The following TSC2 variants were observed in gnomAD, a reference collection of about 807,000 sequenced individuals.
The protein encoded by TSC2 is TSC complex subunit 2.
In TSC2, 29 loss-of-function variants were observed where a neutral mutation model predicts 202.2. That is an observed-to-expected ratio of 0.14 (90% CI 0.11 to 0.20). TSC2 has a LOEUF of 0.20. Among genes scored for constraint, TSC2 ranks in the 10% least tolerant of loss-of-function variants. The pLI is 1.00. For synonymous variants in TSC2, 1,349 were observed against 1,044.0 expected, an observed-to-expected ratio of 1.29 and a Z score of -5.63; for missense variants, 2,429 against 2,420.0, an observed-to-expected ratio of 1.00 and a Z score of -0.08.
chr16:2,072,755 C>A, intron 20 of TSC2, 94 bp from the exon 21 acceptor site: 3 of 1,600,196 alleles, frequency 1.9e-6, no homozygotes, highest in Admixed American at 1.7e-5. Context: ...TGCCCCCTTT[C>A]CTGGGCCTGC....
chr16:2,087,743 T>C, intron 38 of TSC2, 120 bp from the exon 39 acceptor site: 1 of 1,278,524 alleles, frequency 7.8e-7, no homozygotes, highest in Non-Finnish European at 1.1e-6. Context: ...GAGGGGAAAG[T>C]TCAGGGGCAG....
chr16:2,080,450 T>A, intron 30 of TSC2, 73 bp downstream of exon 30: 1 of 1,555,228 alleles, frequency 6.4e-7, no homozygotes, highest in African/African-American at 1.4e-5. Flanking sequence ...TCAGGGGCGA[T>A]TGCAGACTTG....
Position 2,079,426 on chromosome 16 carries a change from G to T in TSC2, c.3282G>T (p.Ser1094=). The part of the protein sequence containing the change: ...DSGELQSGPE[S]SSSPGVHVRQ... Reference sequence around the variant, plus strand: ...GGGAGCTGCAGTCCGGCCCGGAGTCGAGGTGACTGCACCTTCCTTTCCTCC... The same window carrying T: ...GGGAGCTGCAGTCCGGCCCGGAGTCTAGGTGACTGCACCTTCCTTTCCTCC... Residue 1094 remains serine, a splice_region_variant and synonymous_variant, in exon 28 of 42, where the codon TCG becomes TCT. Coordinates refer to ENST00000219476, the MANE Select transcript of TSC2 (RefSeq NM_000548.5). This position sits in a 1 kb window ranked among gnomAD's most constrained non-coding sequence, Gnocchi z 4.6. The T allele has an allele frequency of 6.2e-7, 1 of 1,612,766 alleles. No individual in the cohort carries two copies.
chr16:2,063,422 C>T (rs570282227), intron 14 of TSC2: 13 of 386,274 alleles, frequency 3.4e-5, no homozygotes, highest in Non-Finnish European at 4.9e-5. Flanking sequence ...TGTGCACCTG[C>T]GTGATCGCCA....
rs781713438 is a variant in TSC2 at position 2,074,389 on chromosome 16, A to G, written c.2545A>G (p.Thr849Ala). ...CGTCCCACTGCTGGAGTTCCTGTCCAGTGAGTCCCCGCCCTGCCTGCGCAT... is the reference window on the plus strand; with the variant it reads ...CGTCCCACTGCTGGAGTTCCTGTCCGGTGAGTCCCCGCCCTGCCTGCGCAT... Reference protein sequence around the residue: ...MAVPLLEFLSTLARLPHLYRN... With the variant: ...MAVPLLEFLSALARLPHLYRN... Residue 849 changes from threonine to alanine, a missense_variant and splice_region_variant, in exon 22 of 42, where the codon ACT becomes GCT. By Grantham distance (58) the Thr-to-Ala change is moderately conservative. Transcript: ENST00000219476. The G allele has an allele frequency of 1.3e-5, 21 of 1,610,086 alleles. No individual in the cohort carries two copies. The Middle Eastern group carries it at 1.2e-3, about 89-fold the overall frequency.
At chr16:2,051,927 T>C (rs977975336) in intron 3 of TSC2, among the ~76,000 whole-genome samples, 19 of 152,200 alleles carry the variant, frequency 1.2e-4, no homozygotes, top group African/African-American at 4.6e-4. Context: ...TAGCTGGGCA[T>C]GGTGTCGGGC....
chr16:2,080,086 CG>C, intron 29 of TSC2, 78 bp from the exon 30 acceptor site: 3 of 1,584,598 alleles, frequency 1.9e-6, no homozygotes, highest in Non-Finnish European at 1.7e-6. Flanking sequence ...TTGCCAGGCT[CG>C]GGGGGAGCAT....
At chr16:2,061,508 C>T (rs1425915241) in intron 11 of TSC2, 1 of 387,320 alleles carries the variant, frequency 2.6e-6, no homozygotes, top group Non-Finnish European at 5.0e-6. Flanking sequence ...TGTGGCTACT[C>T]TTGGCCCTCC....
intron 32 of TSC2, 189 bp downstream of exon 32, chr16:2,082,693 G>A: frequency 1.5e-6 from 1 of 682,724 alleles, no homozygotes; most frequent in Non-Finnish European, 2.6e-6. Context: ...CCCTTGACTT[G>A]GTCCCTTTGT....
In TSC2 at chr16:2,071,910, C is replaced by A. The variant is rs45512398; in HGVS notation, c.2073C>A (p.Arg691=). ...LGSVPYSLLF[R]VLLQCLKQES... ...CCGTGCCCTACTCCCTGCTCTTCCG[C>A]GTCCTGCTGCAGTGCTTGAAGCAGG... The change falls in exon 19 of 42, where the codon CGC becomes CGA. Residue 691 remains arginine, a synonymous_variant. Coordinates refer to ENST00000219476, the MANE Select transcript of TSC2 (RefSeq NM_000548.5). 2.5e-6 allele frequency: 4 copies of A among 1,592,704 alleles called. No homozygotes were observed. In the African/African-American group the frequency reaches 4.0e-5, roughly 16 times the overall value.
intron 17 of TSC2, 187 bp from the exon 18 acceptor site, chr16:2,071,323 G>C (rs893555232): frequency 6.1e-6 from 4 of 659,460 alleles, no homozygotes; most frequent in African/African-American, 3.5e-5. Context: ...AGGAGGCTGT[G>C]GGTGCTGGGC....
intron 9 of TSC2, among the ~76,000 whole-genome samples, chr16:2,057,587 G>A (rs2086033436): frequency 6.6e-6 from 1 of 152,092 alleles, no homozygotes; most frequent in African/African-American, 2.4e-5. Context: ...CACCCATGCT[G>A]CCAGCTCCCC....
chr16:2,084,579 C>A lies in TSC2; in HGVS notation c.4357C>A (p.Pro1453Thr). The change falls in exon 34 of 42, where the codon CCC becomes ACC. Residue 1453 changes from proline (P) to threonine (T), a missense_variant. Physicochemically the swap from Pro to Thr is conservative, Grantham distance 38. Transcript: ENST00000219476. ...GPLPSSSPRS[P>T]SGLRPRGYTI... ...CTTGCCTTCCAGCTCCCCCCGCTCG[C>A]CCAGTGGCCTCCGGCCCCGAGGTTA... is the stretch of plus-strand genomic sequence containing the variant. 6.2e-7 allele frequency: 1 copy of A among 1,606,978 alleles called. No individual in the cohort carries two copies. The highest frequency in any genetic ancestry group is 8.5e-7 in the Non-Finnish European group (1 of 1,179,730).
At chr16:2,077,252 C>G (rs932744703) in intron 25 of TSC2, among the ~76,000 whole-genome samples, 1 of 152,244 alleles carries the variant, frequency 6.6e-6, no homozygotes, top group African/African-American at 2.4e-5. Context: ...CGGTGCCTGC[C>G]TTCCGCGGGT....
chr16:2,055,982 T>G (rs2151068190), intron 6 of TSC2: 1 of 649,356 alleles, frequency 1.5e-6, no homozygotes, highest in South Asian at 1.7e-5. Context: ...TTGTTTAGAA[T>G]GTTGCATGAG....
At chr16:2,060,047 G>A (rs1002224448) in intron 10 of TSC2, among the ~76,000 whole-genome samples, 2 of 152,212 alleles carry the variant, frequency 1.3e-5, no homozygotes, top group African/African-American at 4.8e-5. Flanking sequence ...TGCCTCGGGG[G>A]TAGCCGTTCT....
chr16:2,088,792 C>T lies in TSC2; in HGVS notation c.*182C>T. 1 of 818,514 alleles carries T rather than the reference C, an allele frequency of 1.2e-6. No individual in the cohort carries two copies. Among genetic ancestry groups the T allele is most frequent in the Non-Finnish European group, 1.9e-6 (1 of 533,946 alleles). 50.7% of individuals were successfully genotyped at this position (818,514 alleles called of 1,614,324 possible). ...TCGAGGCTCTAGAAGCGGCCATGCC[C>T]ACAGAAGTGGTACACAGAAGCAGGC... On this transcript the variant is annotated 3_prime_UTR_variant, in exon 42 of 42. Coordinates refer to ENST00000219476, the MANE Select transcript of TSC2 (RefSeq NM_000548.5).
intron 6 of TSC2, 185 bp from the exon 7 acceptor site, chr16:2,056,011 G>A: frequency 1.4e-6 from 1 of 704,164 alleles, no homozygotes; most frequent in Non-Finnish European, 2.5e-6. Context: ...CACTCATGCT[G>A]AACACCCAGC....
chr16:2,059,155 A>T (rs2086294421), intron 10 of TSC2, among the ~76,000 whole-genome samples: 1 of 150,302 alleles, frequency 6.7e-6, no homozygotes, highest in Non-Finnish European at 1.5e-5. Flanking sequence ...AGTAGCTGGG[A>T]TTACAGGTGC....
Sources: gnomAD v4.1 joint callset for allele counts (sites outside exome capture counted in the v4.1 genomes callset) on GRCh38, gnomAD v4.1.1 for gene constraint, Gnocchi (gnomAD v3.1) non-coding constraint, MANE v1.5 for transcripts, NCBI Gene and HGNC (gene_info 2026-07-23, HGNC 2026-07-21) for gene names.